The following DEDD variants were observed in gnomAD, a reference collection of about 807,000 sequenced individuals.
DEDD encodes death effector domain-containing protein.
A neutral mutation model predicts 29.2 loss-of-function variants in DEDD; 3 were observed. The ratio of observed to expected loss-of-function variants is 0.10; its 90% CI spans 0.05 to 0.27. The LOEUF (loss-of-function observed/expected upper bound fraction) is 0.27. Among genes scored for constraint, DEDD ranks in the 10% least tolerant of loss-of-function variants. DEDD has a pLI of 1.00. For synonymous variants in DEDD, 152 were observed against 161.3 expected, an observed-to-expected ratio of 0.94 and a Z score of 0.44; for missense variants, 261 against 420.5, an observed-to-expected ratio of 0.62 and a Z score of 3.32.
intron 2 of DEDD, among the ~76,000 whole-genome samples, chr1:161,127,451 T>A (rs12727614): frequency 0.22 from 33,957 of 152,050 alleles, 4,318 homozygotes; most frequent in East Asian, 0.37. Flanking sequence ...AGCTGAAGAG[T>A]AAGTAGGAAC....
chr1:161,126,363 T>G (rs1242204364), intron 2 of DEDD, among the ~76,000 whole-genome samples: 1 of 149,492 alleles, frequency 6.7e-6, no homozygotes, highest in Admixed American at 6.7e-5. Flanking sequence ...TTTTTTTTTT[T>G]GAGACAGAGT....
intron 4 of DEDD, 70 bp from the exon 5 acceptor site, chr1:161,123,291 TGAGG>T: frequency 7.0e-7 from 1 of 1,433,150 alleles, no homozygotes; most frequent in Non-Finnish European, 9.8e-7. Context: ...TCTGTTGGAA[TGAGG>T]AAGGAATCAT....
chr1:161,123,402 G>A (rs1655754441), intron 4 of DEDD, among the ~76,000 whole-genome samples, 181 bp from the exon 5 acceptor site: 1 of 152,228 alleles, frequency 6.6e-6, no homozygotes, highest in Non-Finnish European at 1.5e-5. Context: ...CACTTTGGGA[G>A]GCCAAGGCGG....
chr1:161,132,530 C>G (rs1377004307), intron 1 of DEDD, 21 bp downstream of exon 1: 1 of 154,140 alleles, frequency 6.5e-6, no homozygotes, highest in East Asian at 1.9e-4. Context: ...TCTCCCCACT[C>G]CGGCCGCCCC....
intron 1 of DEDD, among the ~76,000 whole-genome samples, chr1:161,131,752 T>A (rs1255237644): frequency 1.3e-5 from 2 of 152,032 alleles, no homozygotes; most frequent in Non-Finnish European, 2.9e-5. Context: ...CTTCTGCCCT[T>A]CCCACCCTCT....
chr1:161,128,494 G>C (rs1392130337), intron 2 of DEDD, among the ~76,000 whole-genome samples: 1 of 152,068 alleles, frequency 6.6e-6, no homozygotes, highest in Non-Finnish European at 1.5e-5. Flanking sequence ...CCAGCTACTT[G>C]GGAGGCTAAG....
chr1:161,129,889 T>G (rs1413868555), intron 2 of DEDD, among the ~76,000 whole-genome samples: 2 of 152,208 alleles, frequency 1.3e-5, no homozygotes, highest in African/African-American at 4.8e-5. Context: ...CCAAGAATAA[T>G]TGATTCTGAG....
intron 3 of DEDD, 50 bp downstream of exon 3, chr1:161,124,088 C>T (rs577888453): frequency 6.3e-7 from 1 of 1,586,008 alleles, no homozygotes; most frequent in East Asian, 2.2e-5. Context: ...GCTGCTCCTT[C>T]CTGGCCTCCC....
chr1:161,129,315 C>A (rs1316029819), intron 2 of DEDD, among the ~76,000 whole-genome samples: 1 of 152,080 alleles, frequency 6.6e-6, no homozygotes, highest in Non-Finnish European at 1.5e-5. Context: ...TGTGATGAGG[C>A]CTCGCATGGT....
chr1:161,121,248 G>A lies in DEDD; in HGVS notation c.*899C>T, dbSNP rs1655459085. 1 of 931,680 alleles carries A rather than the reference G, an allele frequency of 1.1e-6. No individual in the cohort carries two copies. The highest frequency in any genetic ancestry group is 4.7e-5 in the South Asian group (1 of 21,092). 57.7% of individuals were successfully genotyped at this position (931,680 alleles called of 1,614,324 possible). ...CATGGGAGTGGGCGTAGGAGTGGAG[G>A]AGGGGGAAGGAAAAAGGAATTACTT... is the stretch of plus-strand genomic sequence containing the variant. On this transcript the variant is annotated 3_prime_UTR_variant, in exon 6 of 6. Coordinates refer to ENST00000368006, the MANE Select transcript of DEDD (RefSeq NM_032998.3).
At chr1:161,126,807 T>G (rs1656226358) in intron 2 of DEDD, among the ~76,000 whole-genome samples, 1 of 150,912 alleles carries the variant, frequency 6.6e-6, no homozygotes, top group Non-Finnish European at 1.5e-5. Flanking sequence ...CTCTTCTCTT[T>G]GCCTGAATGC....
intron 2 of DEDD, 29 bp from the exon 3 acceptor site, chr1:161,124,555 A>AAG: frequency 6.6e-7 from 1 of 1,515,252 alleles, no homozygotes; most frequent in Non-Finnish European, 8.8e-7. Context: ...AACCGATGAG[A>AAG]CACTCAAGGG....
chr1:161,123,779 G>C, intron 4 of DEDD, 60 bp downstream of exon 4: 1 of 1,434,896 alleles, frequency 7.0e-7, no homozygotes, highest in Non-Finnish European at 9.7e-7. Flanking sequence ...CCCAGAATGT[G>C]ATGGGATCAG....
In DEDD at chr1:161,121,213, T is replaced by G; in HGVS notation, c.*934A>C. On this transcript the variant is annotated 3_prime_UTR_variant, in exon 6 of 6. Transcript: ENST00000368006. ...ACACTCAGTGCATGTCCCAGCCCCA[T>G]TCTCCCAAGCATGGGAGTGGGCGTA... 1.0e-6 allele frequency: 1 copy of G among 998,528 alleles called. No individual in the cohort carries two copies. Among genetic ancestry groups the G allele is most frequent in the South Asian group, 4.2e-5 (1 of 23,778 alleles). 61.9% of individuals were successfully genotyped at this position (998,528 alleles called of 1,614,324 possible). A position where few individuals can be genotyped will look rare whatever the true frequency, so the allele number is the denominator to read the frequency against.
rs376203819 is a variant in DEDD, at chr1:161,122,539, G to A, written c.581-16C>T. The A allele has an allele frequency of 1.4e-5, 22 of 1,610,332 alleles. No homozygotes were observed. The highest frequency in any genetic ancestry group is 2.2e-5 in the East Asian group (1 of 44,798). On this transcript the variant is annotated splice_polypyrimidine_tract_variant and intron_variant, in intron 5 of 5. Transcript: ENST00000368006. The surrounding 1 kb of genome is among the most constrained non-coding windows in gnomAD (Gnocchi z 4.2). The stretch of plus-strand genomic sequence containing the variant: ...AGTCTGATGTCTGTTGGAAACAGAA[G>A]ATACAGAGCAGAAGAGGTTACAGTA...
intron 2 of DEDD, 111 bp from the exon 3 acceptor site, chr1:161,124,637 ATGT>A (rs1655961195): frequency 7.7e-7 from 1 of 1,304,074 alleles, no homozygotes; most frequent in Non-Finnish European, 1.0e-6. Context: ...TGCTTTATAC[ATGT>A]TTATTAAATT....
Position 161,121,282 on chromosome 1 carries a change from C to T in DEDD, c.*865G>A. 1.5e-6 allele frequency: 1 copy of T among 656,302 alleles called. No individual in the cohort carries two copies. 40.7% of individuals were successfully genotyped at this position (656,302 alleles called of 1,614,324 possible). On this transcript the variant is annotated 3_prime_UTR_variant, in exon 6 of 6. Transcript: ENST00000368006. ...GGAAAAAGGAATTACTTCACTTACA[C>T]CTATGATGCCCTTTGCCCAAGCCAG...
intron 2 of DEDD, 64 bp from the exon 3 acceptor site, chr1:161,124,590 A>T: frequency 6.9e-7 from 1 of 1,458,622 alleles, no homozygotes; most frequent in Non-Finnish European, 9.0e-7. Flanking sequence ...ATGCATTCCC[A>T]TATTCCCAGT....
rs1200971712 is a variant in DEDD at position 161,122,780 on chromosome 1, T to C, written c.581-257A>G. Among the ~76,000 whole-genome samples the C allele has an allele frequency of 6.6e-6, 1 of 152,184 alleles. No homozygotes were observed. The highest frequency in any genetic ancestry group is 1.5e-5 in the Non-Finnish European group (1 of 68,034). On this transcript the variant is annotated intron_variant, in intron 5 of 5. Transcript: ENST00000368006. The surrounding 1 kb of genome is among the most constrained non-coding windows in gnomAD (Gnocchi z 4.2). ...GGTAGCAACTTGTTTATAGGAGATATTTTCCTAATTACCAGGCATAGAAGT... is the reference window on the plus strand; with the variant it reads ...GGTAGCAACTTGTTTATAGGAGATACTTTCCTAATTACCAGGCATAGAAGT...
Sources: gnomAD v4.1 joint callset for allele counts (sites outside exome capture counted in the v4.1 genomes callset) on GRCh38, gnomAD v4.1.1 for gene constraint, Gnocchi (gnomAD v3.1) non-coding constraint, MANE v1.5 for transcripts, NCBI Gene and HGNC (gene_info 2026-07-23, HGNC 2026-07-21) for gene names.